Variants in MTAP observed in about 807,000 individuals in gnomAD.
MTAP encodes the protein methylthioadenosine phosphorylase.
MTAP carries 33 observed loss-of-function variants against 33.6 expected under a neutral mutation model. The observed-to-expected ratio is 0.98, with a 90% confidence interval of 0.74 to 1.31. The LOEUF (loss-of-function observed/expected upper bound fraction) is 1.31. Ranked by LOEUF, MTAP falls within the 40% of genes most tolerant of loss-of-function variation. The pLI, the probability that MTAP is intolerant of heterozygous loss-of-function variation, is 0.00. For synonymous variants in MTAP, 148 were observed against 125.7 expected (o/e 1.18, Z -1.19); for missense variants, 367 against 360.0 (o/e 1.02, Z -0.16).
At chr9:21,804,773 C>T (rs571943614) in intron 1 of MTAP, among the ~76,000 whole-genome samples, 1 of 152,254 alleles carries the variant, frequency 6.6e-6, no homozygotes, top group Non-Finnish European at 1.5e-5. Flanking sequence ...ACCCGTTTTG[C>T]GGGTGTAAAG....
intron 5 of MTAP, among the ~76,000 whole-genome samples, chr9:21,845,828 A>G (rs981548573): frequency 3.9e-5 from 6 of 152,208 alleles, no homozygotes; most frequent in Non-Finnish European, 8.8e-5. Context: ...AGCAAAAAGA[A>G]CAATCTGGAG....
chr9:21,907,941 T>C (rs1818501117), intron 1 of MTAP, among the ~76,000 whole-genome samples: 1 of 152,076 alleles, frequency 6.6e-6, no homozygotes, highest in South Asian at 2.1e-4. Flanking sequence ...TTAGTACCTT[T>C]AGTATAGAAA....
At chr9:21,824,115 C>T (rs1824722275) in intron 4 of MTAP, among the ~76,000 whole-genome samples, 1 of 152,224 alleles carries the variant, frequency 6.6e-6, no homozygotes, top group Non-Finnish European at 1.5e-5. Flanking sequence ...GTCAGTCATT[C>T]TCCATCCAGC....
chr9:21,843,857 A>G (rs1825313099), intron 5 of MTAP, among the ~76,000 whole-genome samples: 1 of 152,282 alleles, frequency 6.6e-6, no homozygotes, highest in Middle Eastern at 3.4e-3. Flanking sequence ...ACAAGAACAA[A>G]GCAAACCCAA....
chr9:21,869,139 C>T (rs79821126), downstream of MTAP, among the ~76,000 whole-genome samples: 849 of 152,156 alleles, frequency 5.6e-3, 17 homozygotes, highest in East Asian at 0.055. Context: ...AATTCTTGAC[C>T]CCAATTCTAT....
At position 21,914,458 on chromosome 9, in the gene MTAP, A is replaced by G. The variant is rs1818640573; in HGVS notation, c.148-16550A>G. Among the ~76,000 whole-genome samples the G allele has an allele frequency of 2.6e-5, 4 of 152,224 alleles. No homozygotes were observed. In the South Asian group the frequency reaches 8.3e-4, roughly 32 times the overall value. ...ATGGAATACTATGCAGCCATAAAAA[A>G]GGATGAGTTCATGTCCTTTGTAGGG... On this transcript the variant is annotated intron_variant, in intron 1 of 1. Coordinates refer to the MTAP transcript ENST00000577563.
At chr9:21,937,378 A>G (rs921583301) in exon 8 of MTAP, 6 of 152,170 alleles carry the variant, frequency 3.9e-5, no homozygotes, top group Admixed American at 2.0e-4. Flanking sequence ...AAACTGATGC[A>G]AAACTAGAAT....
intron 1 of MTAP, among the ~76,000 whole-genome samples, chr9:21,887,571 T>G (rs1208430157): frequency 1.3e-5 from 2 of 152,244 alleles, no homozygotes; most frequent in African/African-American, 4.8e-5. Flanking sequence ...GCAGTAAACA[T>G]ACATGTGCAT....
intron 6 of MTAP, among the ~76,000 whole-genome samples, chr9:21,857,758 A>G (rs2118540763): frequency 6.6e-6 from 1 of 152,346 alleles, no homozygotes; most frequent in South Asian, 2.1e-4. Flanking sequence ...TCATTCTCCA[A>G]TAATAATTCT....
At position 21,827,557 on chromosome 9, in the gene MTAP, A is replaced by G. The variant is rs538804437; in HGVS notation, c.347+9355A>G. Among the ~76,000 whole-genome samples, 15 of 152,306 alleles carry G rather than the reference A, an allele frequency of 9.8e-5. 1 individual carries two copies. In the South Asian group the frequency reaches 3.1e-3, roughly 32 times the overall value. ...AATGGGGTTAGACTAAAATGGTTAC[A>G]TATTTCTCACCCCAAGTTATGTCCT... On this transcript the variant is annotated intron_variant, in intron 4 of 7. Coordinates refer to ENST00000644715, the MANE Select transcript of MTAP (RefSeq NM_002451.4).
intron 1 of MTAP, among the ~76,000 whole-genome samples, chr9:21,881,700 A>G (rs959094071): frequency 1.3e-5 from 2 of 152,040 alleles, no homozygotes; most frequent in Non-Finnish European, 2.9e-5. Context: ...CACACCCATT[A>G]CAATGGCTAC....
At chr9:21,809,571 G>A (rs961008509) in intron 1 of MTAP, among the ~76,000 whole-genome samples, 2 of 151,826 alleles carry the variant, frequency 1.3e-5, no homozygotes, top group Non-Finnish European at 2.9e-5. Context: ...ACTGGGAGGC[G>A]GAGCTTGCAG....
rs1825806094 is a variant in MTAP at position 21,864,013 on chromosome 9, G to A, written c.*1999G>A. 1 of 985,636 alleles carries A rather than the reference G, an allele frequency of 1.0e-6. No individual in the cohort carries two copies. Among genetic ancestry groups the A allele is most frequent in the Non-Finnish European group, 1.2e-6 (1 of 829,924 alleles). 61.1% of individuals were successfully genotyped at this position (985,636 alleles called of 1,614,324 possible). ...CAGGCTTCTCTAGCTCTGGTAACGTGTGATTGTTTTCACTACAATATGATA... is the reference window on the plus strand; with the variant it reads ...CAGGCTTCTCTAGCTCTGGTAACGTATGATTGTTTTCACTACAATATGATA... On this transcript the variant is annotated 3_prime_UTR_variant, in exon 8 of 8. Transcript: ENST00000644715.
intron 1 of MTAP, among the ~76,000 whole-genome samples, chr9:21,877,050 A>C (rs1216954193): frequency 6.6e-6 from 1 of 152,008 alleles, no homozygotes; most frequent in Non-Finnish European, 1.5e-5. Context: ...ATTGTTTTGT[A>C]ATTCTCCTTG....
downstream of MTAP, chr9:21,934,299 C>G (rs1353946042): frequency 1.3e-5 from 2 of 152,194 alleles, no homozygotes; most frequent in Non-Finnish European, 2.9e-5. The surrounding 1 kb of genome is among the most constrained non-coding windows in gnomAD (Gnocchi z 5.0). Context: ...GGTTTTCAAT[C>G]TTGTCTACCT....
intron 1 of MTAP, among the ~76,000 whole-genome samples, chr9:21,925,929 G>A (rs1193619668): frequency 6.6e-6 from 1 of 152,176 alleles, no homozygotes; most frequent in Non-Finnish European, 1.5e-5. Flanking sequence ...ATAACCCAAA[G>A]GTTCACTCCT....
intron 4 of MTAP, among the ~76,000 whole-genome samples, chr9:21,823,257 T>C (rs1297150786): frequency 6.6e-6 from 1 of 152,220 alleles, no homozygotes; most frequent in African/African-American, 2.4e-5. Flanking sequence ...GTTTTTGCAG[T>C]GGCTGGTACC....
chr9:21,873,114 T>G (rs1268019390), intron 1 of MTAP, among the ~76,000 whole-genome samples: 3 of 152,172 alleles, frequency 2.0e-5, no homozygotes, highest in African/African-American at 7.2e-5. Flanking sequence ...GTAATAAAAT[T>G]GAAAAAGTAC....
chr9:21,911,727 A>C (rs978118398), intron 1 of MTAP, among the ~76,000 whole-genome samples: 2 of 152,198 alleles, frequency 1.3e-5, no homozygotes, highest in Non-Finnish European at 2.9e-5. Flanking sequence ...GAACTAGAGA[A>C]GGAAGAGCAA....
Sources: gnomAD v4.1 joint callset for allele counts (sites outside exome capture counted in the v4.1 genomes callset) on GRCh38, gnomAD v4.1.1 for gene constraint, Gnocchi (gnomAD v3.1) non-coding constraint, MANE v1.5 for transcripts, NCBI Gene and HGNC (gene_info 2026-07-23, HGNC 2026-07-21) for gene names.